Variants in ARHGAP29 observed in about 807,000 individuals in gnomAD.
The protein encoded by ARHGAP29 is rho GTPase-activating protein 29.
A neutral mutation model predicts 122.6 loss-of-function variants in ARHGAP29; 43 were observed. That is an observed-to-expected ratio of 0.35 (90% CI 0.27 to 0.45). The LOEUF (loss-of-function observed/expected upper bound fraction) is 0.45, where lower values mean the gene tolerates loss of function less well. Ranked by LOEUF, ARHGAP29 falls within the 20% of genes least tolerant of loss-of-function variation. The pLI is 1.00. For missense variants in ARHGAP29, 1,303 were observed against 1,477.2 expected (o/e 0.88, Z 1.93); for synonymous variants, 506 against 497.1 (o/e 1.02, Z -0.24).
At position 94,252,121 on chromosome 1, in the gene ARHGAP29, A is replaced by G. The variant is rs182045312; in HGVS notation, c.-32-20478T>C. ...TTAACATTTTGAGAGTTTTAATCAGATAAGAGAACTATATTACATTGTTTG... is the reference window on the plus strand; with the variant it reads ...TTAACATTTTGAGAGTTTTAATCAGGTAAGAGAACTATATTACATTGTTTG... On this transcript the variant is annotated intron_variant and NMD_transcript_variant, in intron 1 of 25. Transcript: ENST00000552844. Among the ~76,000 whole-genome samples, 24 of 152,364 alleles carry G rather than the reference A, an allele frequency of 1.6e-4. No homozygotes were observed. The East Asian group carries it at 4.4e-3, about 28-fold the overall frequency.
At chr1:94,177,795 A>G in intron 21 of ARHGAP29, 57 bp downstream of exon 21, 10 of 1,552,788 alleles carry the variant, frequency 6.4e-6, no homozygotes, top group Non-Finnish European at 8.7e-6. Flanking sequence ...AAGATCTTTA[A>G]CTTATTAACA....
At chr1:94,265,122 A>G (rs1242276651) in intron 1 of ARHGAP29, among the ~76,000 whole-genome samples, 1 of 152,214 alleles carries the variant, frequency 6.6e-6, no homozygotes, top group Non-Finnish European at 1.5e-5. Context: ...CACTCCCCAG[A>G]CATCCCAGCC....
rs527331383 is a variant in ARHGAP29 at position 94,170,623 on chromosome 1, T to C, written c.*3246A>G. Among the ~76,000 whole-genome samples the C allele has an allele frequency of 2.6e-5, 4 of 152,322 alleles. No individual in the cohort carries two copies. The highest frequency in any genetic ancestry group is 4.1e-4 in the South Asian group (2 of 4,834). ...CTATGGTTACGTAGGAATGCCCTTG[T>C]CTTAAGGAAACACACAGTAGATAGA... is the stretch of plus-strand genomic sequence containing the variant. On this transcript the variant is annotated 3_prime_UTR_variant, in exon 23 of 23. Coordinates refer to ENST00000260526, the MANE Select transcript of ARHGAP29 (RefSeq NM_004815.4).
chr1:94,253,832 A>G (rs1053941286), intron 1 of ARHGAP29, among the ~76,000 whole-genome samples: 1 of 152,216 alleles, frequency 6.6e-6, no homozygotes, highest in Non-Finnish European at 1.5e-5. Flanking sequence ...TAGTGACTTC[A>G]GTGAGTGTTT....
At chr1:94,297,675 T>G in the ARHGAP29 span, among the ~76,000 whole-genome samples, 4 of 152,182 alleles carry the variant, frequency 2.6e-5, no homozygotes, top group Non-Finnish European at 4.4e-5. Context: ...CTCCTTTGTC[T>G]CAATAACTGA....
intron 1 of ARHGAP29, among the ~76,000 whole-genome samples, chr1:94,242,891 T>C (rs1350112169): frequency 3.3e-5 from 5 of 152,074 alleles, no homozygotes; most frequent in Admixed American, 2.0e-4. Context: ...ATGCAAATAT[T>C]AATCATAAGA....
chr1:94,240,948 T>C (rs1165435936), upstream of ARHGAP29, among the ~76,000 whole-genome samples: 2 of 152,142 alleles, frequency 1.3e-5, no homozygotes, highest in Admixed American at 1.3e-4. Context: ...TAGCAGAACA[T>C]GGGTCTAAAA....
chr1:94,229,709 G>A (rs1470261463), intron 2 of ARHGAP29, among the ~76,000 whole-genome samples: 1 of 151,504 alleles, frequency 6.6e-6, no homozygotes, highest in African/African-American at 2.4e-5. Flanking sequence ...TTACCTCAGG[G>A]GGTAGTCTCT....
chr1:94,260,527 T>C (rs1413960131), intron 1 of ARHGAP29, among the ~76,000 whole-genome samples: 1 of 152,110 alleles, frequency 6.6e-6, no homozygotes, highest in African/African-American at 2.4e-5. Context: ...TTCTATGGAG[T>C]AATCTGGCAA....
At position 94,176,205 on chromosome 1, in the gene ARHGAP29, A is replaced by G. The variant is rs184827324; in HGVS notation, c.2905+1407T>C. Among the ~76,000 whole-genome samples the G allele has an allele frequency of 3.9e-5, 6 of 152,334 alleles. No individual in the cohort carries two copies. In the East Asian group the frequency reaches 1.2e-3, roughly 29 times the overall value. On this transcript the variant is annotated intron_variant, in intron 22 of 22. Transcript: ENST00000260526. ...GCTCAGCCCTGCCTGCCACTTCTGC[A>G]CTGGGCTAGGCAATATCACTGTCCT...
the ARHGAP29 span, among the ~76,000 whole-genome samples, chr1:94,281,481 T>G: frequency 6.6e-6 from 1 of 152,054 alleles, no homozygotes; most frequent in Non-Finnish European, 1.5e-5. Flanking sequence ...ACACCGTCAG[T>G]GAGATGAGTT....
chr1:94,174,731 A>C lies in ARHGAP29; in HGVS notation c.2924T>G (p.Leu975Arg). Residue 975 changes from leucine to arginine, a missense_variant, in exon 23 of 23, where the codon CTA (leucine) becomes CGA (arginine). Around this residue, in one of 3 missense-constraint regions of ARHGAP29, gnomAD observed 620 missense variants for 651.2 expected, o/e 0.95. Transcript: ENST00000260526. ...GGATGCTGATTCAGCCTCTTGGTCT[A>C]GAAGCAACTGTGCTTTGTCTGAAAA... ...ACLSDKAQLL[L>R]DQEAESASQK... The C allele has an allele frequency of 6.2e-7, 1 of 1,613,732 alleles. No individual in the cohort carries two copies. The highest frequency in any genetic ancestry group is 8.5e-7 in the Non-Finnish European group (1 of 1,179,860).
intron 2 of ARHGAP29, among the ~76,000 whole-genome samples, chr1:94,224,310 G>A (rs1652493659): frequency 6.6e-6 from 1 of 152,148 alleles, no homozygotes; most frequent in Non-Finnish European, 1.5e-5. Context: ...AGAAAAGAAA[G>A]TTATTTCTAT....
chr1:94,310,386 G>A, the ARHGAP29 span, among the ~76,000 whole-genome samples: 4 of 152,240 alleles, frequency 2.6e-5, no homozygotes, highest in Non-Finnish European at 5.9e-5. Flanking sequence ...CCATGTAGTA[G>A]TGTCCAGGTG....
At position 94,209,946 on chromosome 1, in the gene ARHGAP29, G is replaced by A. The variant is rs117830492; in HGVS notation, c.341-596C>T. 3.3e-5 allele frequency among the ~76,000 whole-genome samples: 5 copies of A among 151,360 alleles called. No homozygotes were observed. In the East Asian group the frequency reaches 9.7e-4, roughly 29 times the overall value. ...CCTTATTTCTTATAACAGGCTCTTG[G>A]GCTCTGAGGTCCATGTTAATTGACA... On this transcript the variant is annotated intron_variant, in intron 3 of 22. Transcript: ENST00000260526.
chr1:94,287,464 A>G, the ARHGAP29 span, among the ~76,000 whole-genome samples: 7 of 151,972 alleles, frequency 4.6e-5, no homozygotes, highest in Non-Finnish European at 8.8e-5. Flanking sequence ...CTCCTCAGCC[A>G]TCTGGAACTG....
At position 94,255,813 on chromosome 1, in the gene ARHGAP29, A is replaced by T. The variant is rs569461039; in HGVS notation, c.-33+19199T>A. 5.3e-5 allele frequency among the ~76,000 whole-genome samples: 8 copies of T among 152,316 alleles called. No homozygotes were observed. The East Asian group carries it at 1.5e-3, about 29-fold the overall frequency. On this transcript the variant is annotated intron_variant and NMD_transcript_variant, in intron 1 of 25. Coordinates refer to the ARHGAP29 transcript ENST00000552844. ...GCCCTGGTCTCTTCATTTGTATCTAAGAGAGGAAGAGTTAGTGTGGCAGTT... is the reference window on the plus strand; with the variant it reads ...GCCCTGGTCTCTTCATTTGTATCTATGAGAGGAAGAGTTAGTGTGGCAGTT...
chr1:94,248,247 C>T (rs1351481999), intron 1 of ARHGAP29: 1 of 152,218 alleles, frequency 6.6e-6, no homozygotes, highest in Admixed American at 6.5e-5. Context: ...ATACAGTCCC[C>T]GACACATGGC....
chr1:94,292,299 C>A, the ARHGAP29 span, among the ~76,000 whole-genome samples: 3 of 152,182 alleles, frequency 2.0e-5, no homozygotes, highest in Non-Finnish European at 4.4e-5. Flanking sequence ...GTTTTCAGCT[C>A]CATCACGTCA....
Sources: gnomAD v4.1 joint callset for allele counts (sites outside exome capture counted in the v4.1 genomes callset) on GRCh38, gnomAD v4.1.1 for gene constraint, gnomAD v4.1.1 regional missense constraint, MANE v1.5 for transcripts, NCBI Gene and HGNC (gene_info 2026-07-23, HGNC 2026-07-21) for gene names.